GRAMD1B: variants seen among roughly 807,000 people sequenced by gnomAD.
The protein encoded by GRAMD1B is protein Aster-B.
GRAMD1B carries 37 observed loss-of-function variants against 99.7 expected under a neutral mutation model. The ratio of observed to expected loss-of-function variants is 0.37; its 90% CI spans 0.29 to 0.49. The LOEUF (loss-of-function observed/expected upper bound fraction) is 0.49, where lower values mean the gene tolerates loss of function less well. Among genes scored for constraint, GRAMD1B ranks in the 20% least tolerant of loss-of-function variants. The pLI, the probability that GRAMD1B is intolerant of heterozygous loss-of-function variation, is 0.98. For missense variants in GRAMD1B, 888 were observed against 1,009.2 expected (o/e 0.88, Z 1.63); for synonymous variants, 427 against 387.6 (o/e 1.10, Z -1.19).
rs960549538 is a variant in GRAMD1B at position 123,625,160 on chromosome 11, A to G, written c.*2565A>G. 4.6e-5 allele frequency: 7 copies of G among 152,220 alleles called. No individual in the cohort carries two copies. Among genetic ancestry groups the G allele is most frequent in the Non-Finnish European group, 7.3e-5 (5 of 68,046 alleles). 9.4% of individuals were successfully genotyped at this position (152,220 alleles called of 1,614,324 possible). ...AAGACATCTTAACTCACCCTTGCAG[A>G]TAAGTCTTGGAGTGAAACAAATAAA... On this transcript the variant is annotated 3_prime_UTR_variant, in exon 20 of 20. Transcript: ENST00000635736.
At chr11:123,415,419 G>T (rs553756785) in intron 1 of GRAMD1B, among the ~76,000 whole-genome samples, 95 of 151,960 alleles carry the variant, frequency 6.3e-4, no homozygotes, top group Non-Finnish European at 1.1e-3. Flanking sequence ...CTTTTCTTTG[G>T]GCCCCATTTA....
rs377295803 is a variant in GRAMD1B, at chr11:123,447,469, C to T, written c.374+16303C>T. Among the ~76,000 whole-genome samples, 27 of 152,266 alleles carry T rather than the reference C, an allele frequency of 1.8e-4. 1 individual carries two copies. Among genetic ancestry groups the T allele is most frequent in the Admixed American group, 9.2e-4 (14 of 15,290 alleles). The stretch of plus-strand genomic sequence containing the variant: ...CGTATCTTCAGGCAGTGAGTCATGA[C>T]GCTCAGGCTGGGCCCCTCCATCTGT... On this transcript the variant is annotated intron_variant, in intron 1 of 19. Coordinates refer to ENST00000635736, the MANE Select transcript of GRAMD1B (RefSeq NM_001387025.1).
intron 1 of GRAMD1B, among the ~76,000 whole-genome samples, chr11:123,461,984 T>G (rs376723482): frequency 0.043 from 6,312 of 146,598 alleles, 128 homozygotes; most frequent in African/African-American, 0.07. Flanking sequence ...TTTTTTTTTT[T>G]GAAATGGGAT....
chr11:123,605,654 C>G (rs559200932), intron 10 of GRAMD1B, among the ~76,000 whole-genome samples, 176 bp downstream of exon 10: 8 of 152,292 alleles, frequency 5.3e-5, no homozygotes, highest in Admixed American at 5.2e-4. Context: ...AGTGGCATAG[C>G]CCGGGGTCCA....
chr11:123,583,809 G>A lies in GRAMD1B; in HGVS notation c.664-503G>A, dbSNP rs568562327. ...GTTTAGGTACAGCCCATTTTTTGGC[G>A]CAGGAGGGATTTACTCACCCGCCTG... is the stretch of plus-strand genomic sequence containing the variant. On this transcript the variant is annotated intron_variant, in intron 3 of 19. Coordinates refer to ENST00000635736, the MANE Select transcript of GRAMD1B (RefSeq NM_001387025.1). 1.4e-4 allele frequency among the ~76,000 whole-genome samples: 21 copies of A among 152,238 alleles called. 1 individual carries two copies. The East Asian group carries it at 2.7e-3, about 20-fold the overall frequency.
chr11:123,542,196 C>T (rs1457086985), intron 2 of GRAMD1B, among the ~76,000 whole-genome samples: 8 of 152,242 alleles, frequency 5.3e-5, no homozygotes, highest in Admixed American at 4.6e-4. Context: ...GGCACACCAA[C>T]ATTCCACATA....
chr11:123,576,144 T>C (rs1392515632), intron 2 of GRAMD1B, among the ~76,000 whole-genome samples: 1 of 152,148 alleles, frequency 6.6e-6, no homozygotes, highest in African/African-American at 2.4e-5. Context: ...GAAAGGGGCA[T>C]GGTTTTCATT....
At chr11:123,475,343 A>T (rs907528501) in intron 1 of GRAMD1B, among the ~76,000 whole-genome samples, 1 of 152,178 alleles carries the variant, frequency 6.6e-6, no homozygotes, top group Non-Finnish European at 1.5e-5. Flanking sequence ...ACCTTCCAGG[A>T]TAAGCTCCTG....
chr11:123,379,403 T>C (rs891791124), intron 1 of GRAMD1B, among the ~76,000 whole-genome samples: 64 of 151,946 alleles, frequency 4.2e-4, no homozygotes, highest in African/African-American at 1.5e-3. Flanking sequence ...TTTGTTGAGA[T>C]ATCTTAAAAA....
intron 1 of GRAMD1B, among the ~76,000 whole-genome samples, chr11:123,413,416 C>T (rs1248129069): frequency 1.3e-5 from 2 of 151,850 alleles, no homozygotes; most frequent in African/African-American, 4.8e-5. Context: ...TAACGTGTAT[C>T]GGAGAGAGAA....
At chr11:123,544,771 G>A (rs113059556) in intron 2 of GRAMD1B, among the ~76,000 whole-genome samples, 3 of 152,240 alleles carry the variant, frequency 2.0e-5, no homozygotes, top group Admixed American at 1.3e-4. Flanking sequence ...CAGGGCCCCC[G>A]GGCCCCAAAG....
chr11:123,606,628 A>T lies in GRAMD1B; in HGVS notation c.1343A>T (p.Glu448Val). The part of the protein sequence containing the change: ...APVSFDGLPL[E>V]EEALEGDGSL... ...CTCCAGTTTGATGGGCTGCCCCTGG[A>T]GGAAGAGGCGCTGGAGGGAGACGGG... Residue 448 changes from glutamate to valine, a missense_variant, in exon 11 of 20, where the codon GAG (glutamate) becomes GTG (valine). By Grantham distance (121) the Glu-to-Val change is moderately radical. Around this residue, in one of 5 missense-constraint regions of GRAMD1B, gnomAD observed 269 missense variants for 296.6 expected, o/e 0.91. Transcript: ENST00000635736. 1 of 1,611,596 alleles carries T rather than the reference A, an allele frequency of 6.2e-7. No homozygotes were observed. Among genetic ancestry groups the T allele is most frequent in the South Asian group, 1.1e-5 (1 of 90,168 alleles).
In GRAMD1B at chr11:123,360,775, CCTTCCTTCCTTCCT is replaced by C. The variant is rs1946116202; in HGVS notation, c.-176+1977_-176+1990del. The stretch of plus-strand genomic sequence containing the variant: ...TCCTTCCTTCCTTCCTTCTTTCCTT[CCTTCCTTCCTTCCT>C]TCCTTCCTTCCTTCCTTCCTTCCTT... On this transcript the variant is annotated intron_variant, in intron 1 of 20. Coordinates refer to the GRAMD1B transcript ENST00000638157. Among the ~76,000 whole-genome samples the C allele has an allele frequency of 1.2e-4, 5 of 41,266 alleles. No homozygotes were observed. The African/African-American group carries it at 1.5e-3, about 13-fold the overall frequency. The allele number at this position is 41,266 out of a possible 152,430, so 27.1% of individuals were successfully genotyped here.
intron 1 of GRAMD1B, among the ~76,000 whole-genome samples, chr11:123,382,501 T>C (rs1265629965): frequency 6.6e-6 from 1 of 152,204 alleles, no homozygotes; most frequent in Non-Finnish European, 1.5e-5. Flanking sequence ...TTTAGAACTC[T>C]CTTATATTGT....
At chr11:123,457,117 A>AGAAAGAAAAGAAAGAAAG in intron 1 of GRAMD1B, among the ~76,000 whole-genome samples, 2 of 99,434 alleles carry the variant, frequency 2.0e-5, no homozygotes, top group Non-Finnish European at 4.3e-5. Flanking sequence ...TTCTGAGAAA[A>AGAAAGAAAAGAAAGAAAG]AAAGAAAGAA....
chr11:123,573,175 CAGTT>C lies in GRAMD1B; in HGVS notation c.453-4189_453-4186del, dbSNP rs1387417008. ...GGCCCTGATGGCTGGGGCAGGAGCT[CAGTT>C]AGACCCCGATGGCTGAGGCAGAGGT... On this transcript the variant is annotated intron_variant, in intron 2 of 19. Transcript: ENST00000635736. Among the ~76,000 whole-genome samples the C allele has an allele frequency of 5.9e-5, 9 of 152,224 alleles. No individual in the cohort carries two copies. The South Asian group carries it at 1.5e-3, about 25-fold the overall frequency.
In GRAMD1B at chr11:123,619,114, C is replaced by A. The variant is rs1954813410; in HGVS notation, c.2434C>A (p.Gln812Lys). 1.3e-6 allele frequency: 2 copies of A among 1,545,376 alleles called. No homozygotes were observed. Among genetic ancestry groups the A allele is most frequent in the South Asian group, 2.4e-5 (2 of 84,088 alleles). ...CCTTCTTCTACCCCACAGGTTACCCCAGTCTCAGACAGAATGGGCCCAGCT... is the reference window on the plus strand; with the variant it reads ...CCTTCTTCTACCCCACAGGTTACCCAAGTCTCAGACAGAATGGGCCCAGCT... The part of the protein sequence containing the change: ...QGLRLQERLP[Q>K]SQTEWAQLLE... Residue 812 changes from glutamine (Q) to lysine (K), a missense_variant, in exon 19 of 20, where the codon CAG becomes AAG. Physicochemically the swap from Gln to Lys is moderately conservative, Grantham distance 53 (BLOSUM62 1). Around this residue, in one of 5 missense-constraint regions of GRAMD1B, gnomAD observed 232 missense variants for 261.7 expected, o/e 0.89. Transcript: ENST00000635736.
intron 1 of GRAMD1B, among the ~76,000 whole-genome samples, chr11:123,423,851 T>G (rs1948549150): frequency 6.6e-6 from 1 of 152,190 alleles, no homozygotes; most frequent in Non-Finnish European, 1.5e-5. Flanking sequence ...GGGCTTTTGA[T>G]ATTTATTTCT....
intron 2 of GRAMD1B, among the ~76,000 whole-genome samples, chr11:123,537,246 C>G (rs1377459435): frequency 6.6e-6 from 1 of 152,170 alleles, no homozygotes; most frequent in Non-Finnish European, 1.5e-5. Flanking sequence ...AACTGAGATG[C>G]CTCTTCTACT....
Sources: gnomAD v4.1 joint callset for allele counts (sites outside exome capture counted in the v4.1 genomes callset) on GRCh38, gnomAD v4.1.1 for gene constraint, gnomAD v4.1.1 regional missense constraint, MANE v1.5 for transcripts, NCBI Gene and HGNC (gene_info 2026-07-23, HGNC 2026-07-21) for gene names.